The following TIAM2 variants were observed in gnomAD, a reference collection of about 807,000 sequenced individuals.
TIAM2 encodes the protein TIAM Rac1 associated GEF 2.
TIAM2 carries 80 observed loss-of-function variants against 152.9 expected under a neutral mutation model. The observed-to-expected ratio is 0.52, with a 90% confidence interval of 0.44 to 0.63. TIAM2 has a LOEUF of 0.63. TIAM2 is among the 30% of genes least tolerant of loss of function. The pLI, the probability that TIAM2 is intolerant of heterozygous loss-of-function variation, is 0.00. For synonymous variants in TIAM2, 804 were observed against 838.0 expected, an observed-to-expected ratio of 0.96 and a Z score of 0.70; for missense variants, 1,965 against 2,120.1, an observed-to-expected ratio of 0.93 and a Z score of 1.44.
intron 15 of TIAM2, among the ~76,000 whole-genome samples, chr6:155,232,103 A>AC (rs112387226): frequency 0.27 from 40,825 of 151,896 alleles, 6,140 homozygotes; most frequent in East Asian, 0.53. Flanking sequence ...AAAAACAAAA[A>AC]AAAACAAAAA....
intron 1 of TIAM2, among the ~76,000 whole-genome samples, chr6:155,003,945 G>A (rs1778357709): frequency 6.6e-6 from 1 of 152,210 alleles, no homozygotes; most frequent in Admixed American, 6.5e-5. Flanking sequence ...TTGACGGAGC[G>A]AGACTCCATC....
intron 7 of TIAM2, among the ~76,000 whole-genome samples, chr6:155,161,345 A>G (rs554288807): frequency 1.2e-4 from 18 of 152,082 alleles, no homozygotes; most frequent in African/African-American, 4.3e-4. Flanking sequence ...TGCTTGGCTA[A>G]TTTTTGCATT....
rs1465593350 is a variant in TIAM2 at position 155,029,128 on chromosome 6, C to G, written c.-209+33636C>G. 1.1e-4 allele frequency among the ~76,000 whole-genome samples: 13 copies of G among 119,198 alleles called. 3 individuals are homozygous for G. Among genetic ancestry groups the G allele is most frequent in the Non-Finnish European group, 2.0e-4 (12 of 58,974 alleles). The allele number at this position is 119,198 out of a possible 152,430, so 78.2% of individuals were successfully genotyped here. A position where few individuals can be genotyped will look rare whatever the true frequency, so the allele number is the denominator to read the frequency against. ...ATGTGTTATATATACACTGTATGTACTATGTGTTATATACACTATATGTAC... is the reference window on the plus strand; with the variant it reads ...ATGTGTTATATATACACTGTATGTAGTATGTGTTATATACACTATATGTAC... On this transcript the variant is annotated intron_variant, in intron 1 of 26. Transcript: ENST00000682666.
At chr6:154,997,801 G>A (rs1366175982) in intron 1 of TIAM2, among the ~76,000 whole-genome samples, 2 of 151,514 alleles carry the variant, frequency 1.3e-5, no homozygotes, top group Non-Finnish European at 2.9e-5. Context: ...ACCACACCTG[G>A]CTAATTAAAA....
chr6:155,254,297 C>T (rs1331212), intron 25 of TIAM2, 122 bp from the exon 26 acceptor site: 496,972 of 1,327,820 alleles, frequency 0.37, 98,273 homozygotes, highest in Middle Eastern at 0.48. Flanking sequence ...GGCACTGCTG[C>T]TGGGTGGCTG....
chr6:155,124,976 C>A (rs545150523), intron 2 of TIAM2, among the ~76,000 whole-genome samples: 88 of 151,904 alleles, frequency 5.8e-4, no homozygotes, highest in African/African-American at 2.0e-3. Context: ...CTCCCACTAA[C>A]TGTAACAGTC....
chr6:155,172,915 G>A (rs2115120500), intron 9 of TIAM2, among the ~76,000 whole-genome samples: 1 of 151,246 alleles, frequency 6.6e-6, no homozygotes, highest in African/African-American at 2.4e-5. Context: ...TTTATGAAAA[G>A]AATATTGGAG....
chr6:155,045,880 T>G (rs1047667741), intron 1 of TIAM2, among the ~76,000 whole-genome samples: 7 of 149,398 alleles, frequency 4.7e-5, no homozygotes, highest in Non-Finnish European at 7.4e-5. Context: ...TTTGTTTGTT[T>G]TAGCCATAGC....
chr6:155,196,412 A>C (rs1781348010), intron 14 of TIAM2, among the ~76,000 whole-genome samples: 1 of 152,150 alleles, frequency 6.6e-6, no homozygotes, highest in Admixed American at 6.5e-5. Context: ...ATTCCATAAG[A>C]GGTATCAAAA....
At position 155,029,384 on chromosome 6, in the gene TIAM2, G is replaced by GTT. The variant is rs1303790698; in HGVS notation, c.-209+33893_-209+33894dup. 1.9e-4 allele frequency among the ~76,000 whole-genome samples: 12 copies of GTT among 61,558 alleles called. 2 individuals carry two copies. The highest frequency in any genetic ancestry group is 3.4e-4 in the Non-Finnish European group (11 of 32,230). 40.4% of individuals were successfully genotyped at this position (61,558 alleles called of 152,430 possible). A position where few individuals can be genotyped will look rare whatever the true frequency, so the allele number is the denominator to read the frequency against. On this transcript the variant is annotated intron_variant, in intron 1 of 26. Coordinates refer to ENST00000682666, the MANE Select transcript of TIAM2 (RefSeq NM_012454.4). ...ATATAATATATACTATATATACTATGTTATATATATACTATAGTATATATA... is the reference window on the plus strand; with the variant it reads ...ATATAATATATACTATATATACTATGTTTTATATATATACTATAGTATATATA...
intron 1 of TIAM2, among the ~76,000 whole-genome samples, chr6:155,040,206 C>G (rs149231773): frequency 5.9e-5 from 9 of 152,114 alleles, no homozygotes; most frequent in Admixed American, 5.9e-4. Flanking sequence ...CATCTTTCCC[C>G]CTCTCTGATT....
At chr6:155,166,016 A>G (rs1380684149) in intron 9 of TIAM2, among the ~76,000 whole-genome samples, 3 of 152,202 alleles carry the variant, frequency 2.0e-5, no homozygotes, top group Non-Finnish European at 4.4e-5. Flanking sequence ...TAGATTTTAT[A>G]TTAAAATAAA....
intron 6 of TIAM2, among the ~76,000 whole-genome samples, chr6:155,147,034 A>C (rs530226581): frequency 6.6e-6 from 1 of 152,088 alleles, no homozygotes; most frequent in African/African-American, 2.4e-5. Context: ...CCAGCCAAAA[A>C]TAAACTATTT....
intron 10 of TIAM2, 141 bp downstream of exon 10, chr6:155,177,118 T>A: frequency 1.3e-6 from 1 of 750,600 alleles, no homozygotes; most frequent in Non-Finnish European, 2.0e-6. Context: ...TTAGTTAATA[T>A]ATTTATTAGC....
chr6:155,093,185 C>T (rs1192871725), intron 2 of TIAM2, among the ~76,000 whole-genome samples: 2 of 152,130 alleles, frequency 1.3e-5, no homozygotes, highest in Non-Finnish European at 2.9e-5. Context: ...CCTCAGTTTC[C>T]TCATCTGTAA....
chr6:155,026,966 C>T (rs972398743), intron 1 of TIAM2, among the ~76,000 whole-genome samples: 10 of 152,100 alleles, frequency 6.6e-5, no homozygotes, highest in African/African-American at 2.4e-4. Flanking sequence ...TTATGATATT[C>T]TGCATGTCCA....
intron 18 of TIAM2, among the ~76,000 whole-genome samples, chr6:155,245,264 C>T (rs1450066606): frequency 1.3e-5 from 2 of 152,222 alleles, no homozygotes; most frequent in African/African-American, 2.4e-5. Flanking sequence ...GGACCTGGAA[C>T]CATACAGACA....
intron 9 of TIAM2, 110 bp from the exon 10 acceptor site, chr6:155,176,706 G>A (rs1335192501): frequency 1.0e-5 from 12 of 1,151,388 alleles, no homozygotes; most frequent in Admixed American, 6.4e-5. Flanking sequence ...GATGTGAAGC[G>A]TGTGAGCGTT....
At chr6:155,188,903 C>A (rs1781118841) in intron 14 of TIAM2, among the ~76,000 whole-genome samples, 1 of 152,188 alleles carries the variant, frequency 6.6e-6, no homozygotes, top group African/African-American at 2.4e-5. Context: ...GTTCCTCCTT[C>A]CATTTAGACG....
Sources: gnomAD v4.1 joint callset for allele counts (sites outside exome capture counted in the v4.1 genomes callset) on GRCh38, gnomAD v4.1.1 for gene constraint, MANE v1.5 for transcripts, NCBI Gene and HGNC (gene_info 2026-07-23, HGNC 2026-07-21) for gene names.